The following ADD2 variants were observed in gnomAD, a reference collection of about 807,000 sequenced individuals.
ADD2 encodes adducin 2, also known as beta-adducin.
Under a neutral mutation model 83.0 loss-of-function variants are expected in ADD2, and 23 were observed. The ratio of observed to expected loss-of-function variants is 0.28; its 90% CI spans 0.20 to 0.39. ADD2 has a LOEUF of 0.39. ADD2 is among the 10% of genes least tolerant of loss of function. The pLI is 1.00. For missense variants in ADD2, 758 were observed against 944.9 expected (o/e 0.80, Z 2.59); for synonymous variants, 375 against 375.4 (o/e 1.00, Z 0.01).
chr2:70,708,528 G>C (rs992646857), intron 2 of ADD2, among the ~76,000 whole-genome samples: 11 of 152,170 alleles, frequency 7.2e-5, no homozygotes, highest in Non-Finnish European at 1.3e-4. Flanking sequence ...ATCCATTCCA[G>C]GTGTTGGCCA....
At chr2:70,759,216 TC>T (rs1351359052) in intron 1 of ADD2, among the ~76,000 whole-genome samples, 1 of 152,132 alleles carries the variant, frequency 6.6e-6, no homozygotes, top group African/African-American at 2.4e-5. Flanking sequence ...GATCCTAAGC[TC>T]CCTGGCCTCC....
chr2:70,723,406 T>TTTTA (rs397814817), intron 1 of ADD2, among the ~76,000 whole-genome samples: 2 of 152,030 alleles, frequency 1.3e-5, no homozygotes, highest in African/African-American at 4.8e-5. Flanking sequence ...TTTTTTTTTT[T>TTTTA]ATCACAGTCT....
intron 8 of ADD2, among the ~76,000 whole-genome samples, chr2:70,689,045 C>T (rs917454493): frequency 6.6e-6 from 1 of 152,030 alleles, no homozygotes; most frequent in Non-Finnish European, 1.5e-5. Context: ...CTGCAGTGAG[C>T]TGAGATCGCA....
At chr2:70,699,420 T>C (rs1553373225) in intron 4 of ADD2, among the ~76,000 whole-genome samples, 1 of 152,118 alleles carries the variant, frequency 6.6e-6, no homozygotes, top group East Asian at 1.9e-4. Context: ...ACCAAAAAAA[T>C]TGGCTATCCC....
rs376727740 is a variant in ADD2, at chr2:70,687,974, C to T, written c.948+50G>A. 54 of 1,445,020 alleles carry T rather than the reference C, an allele frequency of 3.7e-5. No homozygotes were observed. The African/African-American group carries it at 6.9e-4, about 18-fold the overall frequency. The allele number at this position is 1,445,020 out of a possible 1,614,324, so 89.5% of individuals were successfully genotyped here. A position where few individuals can be genotyped will look rare whatever the true frequency, so the allele number is the denominator to read the frequency against. ...CAGGGTCACCACGTTTGCCCACAGGCCCCTGTCAGAGCCCACTCCTGGGCC... is the reference window on the plus strand; with the variant it reads ...CAGGGTCACCACGTTTGCCCACAGGTCCCTGTCAGAGCCCACTCCTGGGCC... On this transcript the variant is annotated intron_variant, in intron 9 of 15. Coordinates refer to ENST00000264436, the MANE Select transcript of ADD2 (RefSeq NM_001617.4).
chr2:70,727,172 T>C (rs1673049496), intron 1 of ADD2, among the ~76,000 whole-genome samples: 1 of 152,210 alleles, frequency 6.6e-6, no homozygotes. Flanking sequence ...ACTGGCACTG[T>C]GCCATTTCTT....
intron 1 of ADD2, among the ~76,000 whole-genome samples, chr2:70,722,695 G>GTA (rs3836143): frequency 0.088 from 13,354 of 152,264 alleles, 614 homozygotes; most frequent in East Asian, 0.12. Flanking sequence ...TTCACTCAGT[G>GTA]TATATCTCAG....
intron 8 of ADD2, 93 bp from the exon 9 acceptor site, chr2:70,688,215 C>A: frequency 1.0e-6 from 1 of 980,842 alleles, no homozygotes; most frequent in South Asian, 1.6e-5. Flanking sequence ...TCAACTTCCA[C>A]AACCAATCCC....
intron 1 of ADD2, among the ~76,000 whole-genome samples, chr2:70,723,270 C>T (rs561410576): frequency 6.6e-6 from 1 of 152,310 alleles, no homozygotes; most frequent in South Asian, 2.1e-4. Context: ...AGAGCATTAT[C>T]TAAGATAATA....
At chr2:70,696,535 C>T (rs2104345410) in intron 4 of ADD2, 139 bp from the exon 5 acceptor site, 1 of 1,157,724 alleles carries the variant, frequency 8.6e-7, no homozygotes, top group Non-Finnish European at 1.2e-6. Context: ...TTCTTTGACC[C>T]TTACCTGGGG....
At chr2:70,716,295 C>T (rs1277655259) in intron 1 of ADD2, among the ~76,000 whole-genome samples, 1 of 152,054 alleles carries the variant, frequency 6.6e-6, no homozygotes, top group Non-Finnish European at 1.5e-5. Context: ...CACCTCTATT[C>T]CCAGCCCCCT....
intron 1 of ADD2, chr2:70,767,518 AGGGAG>A: frequency 1.1e-5 from 4 of 353,728 alleles, no homozygotes; most frequent in Non-Finnish European, 1.6e-5. Flanking sequence ...AGGGGAGGGG[AGGGAG>A]GGGAGGGGAG....
At chr2:70,683,022 CTTTTTT>C (rs35087942) in intron 10 of ADD2, among the ~76,000 whole-genome samples, 1 of 124,538 alleles carries the variant, frequency 8.0e-6, no homozygotes, top group African/African-American at 3.1e-5. Context: ...GGAGTATGAC[CTTTTTT>C]TTTTTTTTTT....
At chr2:70,741,011 A>C (rs986604400) in intron 1 of ADD2, among the ~76,000 whole-genome samples, 15 of 152,196 alleles carry the variant, frequency 9.9e-5, no homozygotes, top group Non-Finnish European at 1.8e-4. Flanking sequence ...TGGTCTAAGA[A>C]ATTTTTTGAT....
Position 70,676,758 on chromosome 2 carries a change from C to G in ADD2, c.1593+38G>C, listed in dbSNP as rs372299540. 1 of 1,613,988 alleles carries G rather than the reference C, an allele frequency of 6.2e-7. No homozygotes were observed. The highest frequency in any genetic ancestry group is 1.7e-5 in the Admixed American group (1 of 60,018). ...AGGCACAGAAGACCCCGAAGGCAAA[C>G]ACGTTTCCCCGCCAGTCAGGGGCAG... On this transcript the variant is annotated intron_variant, in intron 13 of 15. Coordinates refer to ENST00000264436, the MANE Select transcript of ADD2 (RefSeq NM_001617.4). The surrounding 1 kb of genome is among the most constrained non-coding windows in gnomAD (Gnocchi z 4.8).
At chr2:70,736,488 T>C (rs187114897) in intron 1 of ADD2, among the ~76,000 whole-genome samples, 139 of 152,348 alleles carry the variant, frequency 9.1e-4, no homozygotes, top group African/African-American at 3.2e-3. Flanking sequence ...TTTTTAAGTA[T>C]TTTTGCAAAA....
At position 70,674,659 on chromosome 2, in the gene ADD2, G is replaced by A. The variant is rs1438187387; in HGVS notation, c.1741+19C>T. The A allele has an allele frequency of 1.9e-5, 29 of 1,563,436 alleles. No homozygotes were observed. Among genetic ancestry groups the A allele is most frequent in the Non-Finnish European group, 2.2e-5 (26 of 1,159,548 alleles). On this transcript the variant is annotated intron_variant, in intron 14 of 15. Coordinates refer to ENST00000264436, the MANE Select transcript of ADD2 (RefSeq NM_001617.4). The stretch of plus-strand genomic sequence containing the variant: ...CCCTGGGGGACTTGGAAGCAAGGGT[G>A]TGCCTCAGGGTCATTTACCATCAAG...
At chr2:70,675,693 C>T (rs1327074983) in intron 13 of ADD2, 14 of 985,354 alleles carry the variant, frequency 1.4e-5, no homozygotes, top group Non-Finnish European at 1.7e-5. Flanking sequence ...CCTCCCTGCC[C>T]TGGCCCGCCA....
At position 70,692,390 on chromosome 2, in the gene ADD2, G is replaced by A; in HGVS notation, c.705+13C>T. 6.5e-7 allele frequency: 1 copy of A among 1,530,648 alleles called. No homozygotes were observed. The highest frequency in any genetic ancestry group is 1.4e-5 in the African/African-American group (1 of 72,462). The allele number at this position is 1,530,648 out of a possible 1,614,324, so 94.8% of individuals were successfully genotyped here. On this transcript the variant is annotated intron_variant, in intron 7 of 15. Transcript: ENST00000264436. ...ACGTCTTTCCTTGGGTGGCTGAGAA[G>A]GAGTCCACTCACCGCTGCTGTGGCC... is the stretch of plus-strand genomic sequence containing the variant.
Sources: allele counts gnomAD v4.1 joint callset (sites outside exome capture counted in the v4.1 genomes callset), GRCh38; gene constraint gnomAD v4.1.1; non-coding constraint Gnocchi (gnomAD v3.1); transcripts MANE v1.5; gene names NCBI Gene and HGNC (gene_info 2026-07-23, HGNC 2026-07-21).